PPP1R9A: variants seen among roughly 807,000 people sequenced by gnomAD.
PPP1R9A encodes the protein protein phosphatase 1 regulatory subunit 9A, also known as neurabin-1.
PPP1R9A carries 59 observed loss-of-function variants against 141.9 expected under a neutral mutation model. The observed-to-expected ratio is 0.42, with a 90% CI of 0.34 to 0.52. The LOEUF is 0.52. PPP1R9A is among the 20% of genes least tolerant of loss of function. PPP1R9A has a pLI of 0.10. For missense variants in PPP1R9A, 1,444 were observed against 1,611.9 expected, an observed-to-expected ratio of 0.90 and a Z score of 1.78; for synonymous variants, 500 against 569.7, an observed-to-expected ratio of 0.88 and a Z score of 1.74.
rs1792604851 is a variant in PPP1R9A, at chr7:94,920,179, T to C, written c.1395+8671T>C. On this transcript the variant is annotated intron_variant, in intron 2 of 19. Coordinates refer to ENST00000433360, the MANE Select transcript of PPP1R9A (RefSeq NM_001166160.2). Reference sequence around the variant, plus strand: ...TCCATGGGAGCACAATTTTATAGAGTGGATTTTTAGAGCAACTTGACTTTT... The same window carrying C: ...TCCATGGGAGCACAATTTTATAGAGCGGATTTTTAGAGCAACTTGACTTTT... 1.3e-5 allele frequency among the ~76,000 whole-genome samples: 2 copies of C among 152,000 alleles called. 1 individual carries two copies. The highest frequency in any genetic ancestry group is 4.1e-4 in the South Asian group (2 of 4,822).
intron 2 of PPP1R9A, among the ~76,000 whole-genome samples, chr7:94,978,516 G>A (rs2151299440): frequency 6.6e-6 from 1 of 152,222 alleles, no homozygotes; most frequent in East Asian, 1.9e-4. Context: ...TTTTCTTGGA[G>A]GCTGCTTAAA....
intron 2 of PPP1R9A, among the ~76,000 whole-genome samples, chr7:95,055,926 T>A (rs558964078): frequency 5.0e-4 from 76 of 152,176 alleles, no homozygotes; most frequent in Non-Finnish European, 1.1e-3. Context: ...AATAACATAC[T>A]AATAAGCATT....
chr7:95,082,299 C>T (rs996660619), intron 2 of PPP1R9A, among the ~76,000 whole-genome samples: 1 of 152,160 alleles, frequency 6.6e-6, no homozygotes, highest in Non-Finnish European at 1.5e-5. Context: ...CTTGGGAATT[C>T]AGAAGACTTA....
chr7:95,280,965 C>CTTCTATTGT (rs1804110024), intron 16 of PPP1R9A, among the ~76,000 whole-genome samples: 1 of 152,120 alleles, frequency 6.6e-6, no homozygotes, highest in African/African-American at 2.4e-5. Flanking sequence ...ACCCTTTCTG[C>CTTCTATTGT]TTCTATTGTG....
At position 94,939,098 on chromosome 7, in the gene PPP1R9A, G is replaced by A. The variant is rs113957680; in HGVS notation, c.1395+27590G>A. ...GAATCTCAGTGGAGGCACTGAGAAG[G>A]ATGATGGATTTGGAACAAGAAGATC... On this transcript the variant is annotated intron_variant, in intron 2 of 19. Transcript: ENST00000433360. Among the ~76,000 whole-genome samples, 785 of 152,272 alleles carry A rather than the reference G, an allele frequency of 5.2e-3. 8 individuals are homozygous for A. Among genetic ancestry groups the A allele is most frequent in the African/African-American group, 0.018 (750 of 41,572 alleles).
At chr7:94,950,282 CT>C (rs942736915) in intron 2 of PPP1R9A, among the ~76,000 whole-genome samples, 3 of 152,042 alleles carry the variant, frequency 2.0e-5, no homozygotes, top group African/African-American at 7.2e-5. Context: ...TAGGCCAGCT[CT>C]TTTTTTATGT....
intron 16 of PPP1R9A, among the ~76,000 whole-genome samples, chr7:95,280,413 A>G (rs932697263): frequency 1.3e-5 from 2 of 152,236 alleles, no homozygotes; most frequent in African/African-American, 4.8e-5. Flanking sequence ...TAGAATGACA[A>G]CAACAAAGAT....
At chr7:95,240,835 AT>A (rs1272370263) in intron 8 of PPP1R9A, among the ~76,000 whole-genome samples, 2 of 152,096 alleles carry the variant, frequency 1.3e-5, no homozygotes, top group Non-Finnish European at 2.9e-5. Context: ...AAGTTTACTT[AT>A]TTGTGTGTTC....
At chr7:95,091,420 C>T (rs546253339) in intron 2 of PPP1R9A, among the ~76,000 whole-genome samples, 51 of 149,228 alleles carry the variant, frequency 3.4e-4, no homozygotes, top group Non-Finnish European at 6.1e-4. Flanking sequence ...CTCACCTCAC[C>T]GCAACCTCTG....
intron 2 of PPP1R9A, among the ~76,000 whole-genome samples, chr7:94,958,199 G>A (rs983304785): frequency 2.0e-5 from 3 of 152,186 alleles, no homozygotes; most frequent in Non-Finnish European, 4.4e-5. Flanking sequence ...AGGAGTTTGT[G>A]TATGGATAGT....
chr7:94,994,760 G>A (rs976541825), intron 2 of PPP1R9A, among the ~76,000 whole-genome samples: 6 of 152,008 alleles, frequency 3.9e-5, no homozygotes, highest in African/African-American at 1.4e-4. Context: ...TGGGCATGGT[G>A]GTGTGCACCT....
At chr7:95,106,669 G>C (rs1343421583) in intron 2 of PPP1R9A, among the ~76,000 whole-genome samples, 1 of 152,096 alleles carries the variant, frequency 6.6e-6, no homozygotes, top group Non-Finnish European at 1.5e-5. Flanking sequence ...AAGTATTTCT[G>C]TAAACACTTA....
At chr7:95,045,157 C>T (rs2151942449) in intron 2 of PPP1R9A, among the ~76,000 whole-genome samples, 1 of 152,190 alleles carries the variant, frequency 6.6e-6, no homozygotes, top group South Asian at 2.1e-4. Context: ...CTATGGCAAC[C>T]TCAATTCTTG....
At chr7:95,153,133 A>G (rs563261694) in intron 4 of PPP1R9A, among the ~76,000 whole-genome samples, 1 of 152,306 alleles carries the variant, frequency 6.6e-6, no homozygotes, top group South Asian at 2.1e-4. Context: ...TACACGCATG[A>G]GCCACTGCGC....
chr7:95,166,548 G>T (rs1482734794), intron 5 of PPP1R9A, among the ~76,000 whole-genome samples: 3 of 152,156 alleles, frequency 2.0e-5, no homozygotes, highest in African/African-American at 7.2e-5. Context: ...AAAAGTCCAG[G>T]ACTGGATGGC....
At chr7:95,031,046 G>C (rs192377137) in intron 2 of PPP1R9A, among the ~76,000 whole-genome samples, 2 of 152,146 alleles carry the variant, frequency 1.3e-5, no homozygotes, top group African/African-American at 4.8e-5. Context: ...TTAAACAGCA[G>C]CTGATGGCCA....
At chr7:94,989,896 A>G (rs1402223331) in intron 2 of PPP1R9A, among the ~76,000 whole-genome samples, 1 of 152,132 alleles carries the variant, frequency 6.6e-6, no homozygotes, top group African/African-American at 2.4e-5. Flanking sequence ...ATATGCATTT[A>G]TATAATAAAG....
At position 94,910,792 on chromosome 7, in the gene PPP1R9A, G is replaced by A; in HGVS notation, c.679G>A (p.Glu227Lys). 1 of 1,613,962 alleles carries A rather than the reference G, an allele frequency of 6.2e-7. No individual in the cohort carries two copies. The highest frequency in any genetic ancestry group is 1.1e-5 in the South Asian group (1 of 91,064). Residue 227 changes from glutamate to lysine, a missense_variant, in exon 2 of 20, where the codon GAA (glutamate) becomes AAA (lysine). Around this residue, in one of 5 missense-constraint regions of PPP1R9A, gnomAD observed 490 missense variants for 521.1 expected, o/e 0.94. Transcript: ENST00000433360. The surrounding 1 kb of genome is among the most constrained non-coding windows in gnomAD (Gnocchi z 4.5). ...CATTTCTGAGAAGGCTGAAAACAAT[G>A]AATACTCAGTGACTGGGCATTATCC... The part of the protein sequence containing the change: ...AIISEKAENN[E>K]YSVTGHYPLN...
At chr7:95,278,128 A>C (rs1387537905) in intron 16 of PPP1R9A, among the ~76,000 whole-genome samples, 1 of 152,220 alleles carries the variant, frequency 6.6e-6, no homozygotes, top group East Asian at 1.9e-4. Flanking sequence ...CTTTTCCATT[A>C]GGCAAGTCTC....
Sources: gnomAD v4.1 joint callset for allele counts (sites outside exome capture counted in the v4.1 genomes callset) on GRCh38, gnomAD v4.1.1 for gene constraint, gnomAD v4.1.1 regional missense constraint, Gnocchi (gnomAD v3.1) non-coding constraint, MANE v1.5 for transcripts, NCBI Gene and HGNC (gene_info 2026-07-23, HGNC 2026-07-21) for gene names.